SYN3: variants seen among roughly 807,000 people sequenced by gnomAD.
SYN3 encodes the protein synapsin III.
SYN3 carries 35 observed loss-of-function variants against 65.8 expected under a neutral mutation model. That is an observed-to-expected ratio of 0.53 (90% CI 0.41 to 0.70). The LOEUF (loss-of-function observed/expected upper bound fraction) is 0.70. Among genes scored for constraint, SYN3 ranks in the 30% least tolerant of loss-of-function variants. The pLI is 0.00. For missense variants in SYN3, 680 were observed against 749.0 expected (o/e 0.91, Z 1.08); for synonymous variants, 270 against 292.9 (o/e 0.92, Z 0.80).
chr22:32,612,694 T>G (rs2059462277), intron 6 of SYN3, among the ~76,000 whole-genome samples: 1 of 151,750 alleles, frequency 6.6e-6, no homozygotes, highest in East Asian at 1.9e-4. Context: ...AAAAAAAAAT[T>G]AGCCAGGCAT....
chr22:32,951,368 C>A (rs932120287), intron 3 of SYN3, among the ~76,000 whole-genome samples: 7 of 152,200 alleles, frequency 4.6e-5, no homozygotes, highest in Non-Finnish European at 7.3e-5. Flanking sequence ...CTGCAAAGCA[C>A]CCTGCTGGGT....
chr22:32,679,044 C>CT (rs2060485461), intron 6 of SYN3, among the ~76,000 whole-genome samples: 1 of 115,944 alleles, frequency 8.6e-6, no homozygotes, highest in Non-Finnish European at 1.8e-5. Context: ...TTCTTTGTTT[C>CT]TTTCTTTTTT....
chr22:32,677,349 AG>A (rs1485039685), intron 6 of SYN3, among the ~76,000 whole-genome samples: 1 of 152,188 alleles, frequency 6.6e-6, no homozygotes, highest in African/African-American at 2.4e-5. Flanking sequence ...CATCTGTACT[AG>A]GATGTTTACT....
chr22:32,744,185 T>C (rs1379147301), intron 6 of SYN3, among the ~76,000 whole-genome samples: 3 of 152,168 alleles, frequency 2.0e-5, no homozygotes, highest in Non-Finnish European at 4.4e-5. Flanking sequence ...AACAACTCTA[T>C]GAACGTGTTT....
intron 6 of SYN3, among the ~76,000 whole-genome samples, chr22:32,639,519 T>C (rs1366466572): frequency 6.6e-6 from 1 of 152,174 alleles, no homozygotes; most frequent in African/African-American, 2.4e-5. Context: ...TTCTTTCATG[T>C]TTGTGAATTA....
chr22:32,550,069 A>G (rs1452389826), intron 7 of SYN3, among the ~76,000 whole-genome samples: 1 of 152,190 alleles, frequency 6.6e-6, no homozygotes, highest in African/African-American at 2.4e-5. Flanking sequence ...AAATAAATCA[A>G]CTGGAGAAAG....
chr22:32,650,254 CCTCCCTCT>C (rs1569124747), intron 6 of SYN3, among the ~76,000 whole-genome samples: 6 of 100,458 alleles, frequency 6.0e-5, no homozygotes, highest in South Asian at 3.2e-4. Flanking sequence ...TCCCTCCCTC[CCTCCCTCT>C]CTCTCTCTCT....
chr22:33,024,235 G>A (rs1358484995), intron 1 of SYN3, among the ~76,000 whole-genome samples: 1 of 152,166 alleles, frequency 6.6e-6, no homozygotes, highest in Non-Finnish European at 1.5e-5. Context: ...CAATTCCAGT[G>A]TTCTTAGAGG....
chr22:32,990,442 ATCCATCCAT>A (rs2052679608), intron 2 of SYN3, among the ~76,000 whole-genome samples: 2 of 149,870 alleles, frequency 1.3e-5, no homozygotes. Flanking sequence ...CCATCCATCC[ATCCATCCAT>A]CCATCCGCCC....
chr22:32,906,426 C>T (rs944236526), intron 4 of SYN3, among the ~76,000 whole-genome samples: 1 of 152,178 alleles, frequency 6.6e-6, no homozygotes, highest in African/African-American at 2.4e-5. Flanking sequence ...TCCTTAGATG[C>T]CCTATTCATT....
At chr22:33,003,606 C>T (rs1189052010) in intron 2 of SYN3, among the ~76,000 whole-genome samples, 1 of 152,172 alleles carries the variant, frequency 6.6e-6, no homozygotes, top group Non-Finnish European at 1.5e-5. Flanking sequence ...TTTAGGGTAT[C>T]TGGCAGAAGA....
chr22:32,702,152 G>T (rs2060817917), intron 6 of SYN3, among the ~76,000 whole-genome samples: 2 of 152,110 alleles, frequency 1.3e-5, no homozygotes, highest in African/African-American at 4.8e-5. Flanking sequence ...ATCCATTGTT[G>T]AGCTCATTGA....
chr22:32,530,808 T>G (rs1231351433), intron 10 of SYN3, among the ~76,000 whole-genome samples: 2 of 151,720 alleles, frequency 1.3e-5, no homozygotes, highest in Admixed American at 6.6e-5. Context: ...ATTGAGACCA[T>G]CCTGGCCAAC....
At chr22:32,721,583 A>G (rs1246918261) in intron 6 of SYN3, among the ~76,000 whole-genome samples, 1 of 152,218 alleles carries the variant, frequency 6.6e-6, no homozygotes, top group Non-Finnish European at 1.5e-5. Flanking sequence ...AACTTGTTCC[A>G]GGACATAGCA....
chr22:32,618,026 C>T (rs1473792860), intron 6 of SYN3, among the ~76,000 whole-genome samples: 3 of 152,100 alleles, frequency 2.0e-5, no homozygotes, highest in Non-Finnish European at 4.4e-5. Flanking sequence ...TCTGGCTAGA[C>T]TAGGTGTAGC....
At chr22:32,517,860 T>C (rs1226706716) in intron 13 of SYN3, among the ~76,000 whole-genome samples, 183 bp downstream of exon 13, 1 of 152,188 alleles carries the variant, frequency 6.6e-6, no homozygotes, top group Non-Finnish European at 1.5e-5. Flanking sequence ...GTCTAATCTA[T>C]ACTCTCACCT....
intron 6 of SYN3, among the ~76,000 whole-genome samples, chr22:32,733,832 G>C (rs900826728): frequency 2.6e-5 from 4 of 152,208 alleles, no homozygotes; most frequent in Non-Finnish European, 1.5e-5. Flanking sequence ...GTAATGGGCA[G>C]TGGCCTTCAT....
chr22:32,679,048 CT>C (rs145971116), intron 6 of SYN3, among the ~76,000 whole-genome samples: 17,787 of 85,968 alleles, frequency 0.21, 898 homozygotes, highest in East Asian at 0.44. Context: ...TTGTTTCTTT[CT>C]TTTTTTTTTT....
In SYN3 at chr22:32,753,977, A is replaced by G. The variant is rs545191917; in HGVS notation, c.711+110938T>C. Reference sequence around the variant, plus strand: ...TAGGCAGCACAGCAGTGGTCTGCACACAGGCTTGTCTGACTCCAGAACTCT... The same window carrying G: ...TAGGCAGCACAGCAGTGGTCTGCACGCAGGCTTGTCTGACTCCAGAACTCT... On this transcript the variant is annotated intron_variant, in intron 6 of 13. Coordinates refer to ENST00000358763, the MANE Select transcript of SYN3 (RefSeq NM_003490.4). Among the ~76,000 whole-genome samples the G allele has an allele frequency of 6.8e-4, 103 of 152,362 alleles. 1 individual carries two copies. In the South Asian group the frequency reaches 7.7e-3, roughly 11 times the overall value.
Sources: gnomAD v4.1 joint callset for allele counts (sites outside exome capture counted in the v4.1 genomes callset) on GRCh38, gnomAD v4.1.1 for gene constraint, MANE v1.5 for transcripts, NCBI Gene and HGNC (gene_info 2026-07-23, HGNC 2026-07-21) for gene names.